KLRG1: variants seen among roughly 807,000 people sequenced by gnomAD.
KLRG1 encodes the protein killer cell lectin like receptor G1, also known as killer cell lectin-like receptor subfamily G member 1.
In KLRG1, 16 loss-of-function variants were observed where a neutral mutation model predicts 21.8. The observed-to-expected ratio is 0.73, with a 90% CI of 0.50 to 1.11. The LOEUF (loss-of-function observed/expected upper bound fraction) is 1.11. KLRG1 is among the 50% of genes most tolerant of loss of function. The pLI, the probability that KLRG1 is intolerant of heterozygous loss-of-function variation, is 0.00. For synonymous variants in KLRG1, 69 were observed against 75.9 expected (o/e 0.91, Z 0.47); for missense variants, 173 against 218.3 (o/e 0.79, Z 1.31).
chr12:9,204,462 A>G, the KLRG1 span, among the ~76,000 whole-genome samples: 3 of 152,222 alleles, frequency 2.0e-5, no homozygotes, highest in Non-Finnish European at 4.4e-5. Flanking sequence ...AGCATATATC[A>G]TTACACAAAA....
chr12:9,099,315 A>C, the KLRG1 span: 1 of 1,475,876 alleles, frequency 6.8e-7, no homozygotes. Context: ...ACATGTGTAA[A>C]ACAAATGATA....
At chr12:8,954,312 G>A (rs1328292443) in intron 1 of KLRG1, among the ~76,000 whole-genome samples, 6 of 151,900 alleles carry the variant, frequency 3.9e-5, no homozygotes, top group South Asian at 4.2e-4. Flanking sequence ...CAAAAGGTAC[G>A]AAGTTGCGGT....
At chr12:9,213,699 A>G in the KLRG1 span, among the ~76,000 whole-genome samples, 185 of 152,152 alleles carry the variant, frequency 1.2e-3, no homozygotes, top group Middle Eastern at 0.014. Context: ...TTATTGTTGA[A>G]TTGTAAGAGT....
rs762411717 is a variant in KLRG1, at chr12:8,966,033, G to A, written c.-156+15797G>A. Among the ~76,000 whole-genome samples the A allele has an allele frequency of 1.5e-4, 23 of 152,122 alleles. No homozygotes were observed. In the East Asian group the frequency reaches 1.9e-3, roughly 13 times the overall value. On this transcript the variant is annotated intron_variant, in intron 1 of 4. Coordinates refer to the KLRG1 transcript ENST00000539240. The stretch of plus-strand genomic sequence containing the variant: ...GAACAGAGCCCTCAGAGATAATGCC[G>A]CATATCTACAACTATCTGATCTTTG...
chr12:9,074,453 A>C, the KLRG1 span: 1 of 1,121,392 alleles, frequency 8.9e-7, no homozygotes, highest in South Asian at 1.6e-5. Flanking sequence ...TCCTCATTTC[A>C]AGTTACTGTC....
chr12:9,074,414 T>A, the KLRG1 span: 1 of 795,814 alleles, frequency 1.3e-6, no homozygotes, highest in Non-Finnish European at 2.0e-6. Context: ...TTGCTTTTAT[T>A]TCCATTATCC....
chr12:9,107,677 C>T, the KLRG1 span: 4 of 1,609,942 alleles, frequency 2.5e-6, no homozygotes, highest in Admixed American at 6.7e-5. Flanking sequence ...GGAATCAGAG[C>T]AGACACTGAA....
At chr12:8,952,914 T>C (rs1197483436) in intron 1 of KLRG1, among the ~76,000 whole-genome samples, 1 of 152,190 alleles carries the variant, frequency 6.6e-6, no homozygotes, top group African/African-American at 2.4e-5. Flanking sequence ...TGATCTTACT[T>C]GACTTTGAAA....
At chr12:9,203,517 A>G in the KLRG1 span, among the ~76,000 whole-genome samples, 4 of 151,494 alleles carry the variant, frequency 2.6e-5, no homozygotes, top group East Asian at 5.8e-4. Flanking sequence ...AATTTTTTGT[A>G]TTTTTGGTAG....
At chr12:8,954,430 A>AAT (rs1290782566) in intron 1 of KLRG1, among the ~76,000 whole-genome samples, 2 of 152,008 alleles carry the variant, frequency 1.3e-5, no homozygotes, top group East Asian at 3.9e-4. Flanking sequence ...CACCAAAAAA[A>AAT]AAATAACTAC....
chr12:9,209,569 T>C, the KLRG1 span, among the ~76,000 whole-genome samples: 9 of 152,170 alleles, frequency 5.9e-5, no homozygotes, highest in East Asian at 1.7e-3. Context: ...ATGGCAATGG[T>C]AGTGCTCTTT....
chr12:9,074,318 G>C, the KLRG1 span, among the ~76,000 whole-genome samples: 1 of 152,132 alleles, frequency 6.6e-6, no homozygotes, highest in Non-Finnish European at 1.5e-5. Context: ...AGGCAGTGTT[G>C]TTATGGGAAA....
chr12:9,174,279 C>A, the KLRG1 span, among the ~76,000 whole-genome samples: 1 of 152,058 alleles, frequency 6.6e-6, no homozygotes, highest in African/African-American at 2.4e-5. Context: ...ATTCAACATC[C>A]CTTTATGTTA....
chr12:9,025,781 A>G, the KLRG1 span, among the ~76,000 whole-genome samples: 1 of 152,322 alleles, frequency 6.6e-6, no homozygotes, highest in Non-Finnish European at 1.5e-5. Flanking sequence ...GGAAGAAGGA[A>G]AGATGGGTGA....
At chr12:9,163,357 G>A in the KLRG1 span, among the ~76,000 whole-genome samples, 41 of 151,684 alleles carry the variant, frequency 2.7e-4, 1 homozygote, top group South Asian at 8.6e-3. Context: ...GGAGGCTGAG[G>A]CAGGAGAATG....
chr12:8,950,653 A>G (rs1332621421), intron 1 of KLRG1, among the ~76,000 whole-genome samples: 1 of 150,998 alleles, frequency 6.6e-6, no homozygotes, highest in Non-Finnish European at 1.5e-5. Flanking sequence ...TGGATTTTTG[A>G]TTCTTACCCC....
chr12:9,120,884 T>TGTGTGTGTG, the KLRG1 span, among the ~76,000 whole-genome samples: 3 of 150,370 alleles, frequency 2.0e-5, no homozygotes, highest in Admixed American at 6.6e-5. Flanking sequence ...TGTGTGTGTG[T>TGTGTGTGTG]ATTTTTTTTT....
At chr12:9,056,177 G>A in the KLRG1 span, among the ~76,000 whole-genome samples, 1 of 152,150 alleles carries the variant, frequency 6.6e-6, no homozygotes, top group Non-Finnish European at 1.5e-5. Flanking sequence ...TTGAGAATGG[G>A]AGCTTCAACG....
At chr12:8,964,925 TG>T (rs1349446790) in intron 1 of KLRG1, among the ~76,000 whole-genome samples, 2 of 152,128 alleles carry the variant, frequency 1.3e-5, no homozygotes, top group Non-Finnish European at 2.9e-5. Context: ...TGAGCCTATG[TG>T]TGTCTCTGCA....
Sources: gnomAD v4.1 joint callset for allele counts (sites outside exome capture counted in the v4.1 genomes callset) on GRCh38, gnomAD v4.1.1 for gene constraint, MANE v1.5 for transcripts, NCBI Gene and HGNC (gene_info 2026-07-23, HGNC 2026-07-21) for gene names.